Variants in XPO6 observed in about 807,000 individuals in gnomAD.
XPO6 encodes exportin-6.
XPO6 carries 3 observed loss-of-function variants against 130.0 expected under a neutral mutation model. The observed-to-expected ratio is 0.02, with a 90% CI of 0.01 to 0.06. XPO6 has a LOEUF of 0.06. Ranked by LOEUF, XPO6 falls within the 10% of genes least tolerant of loss-of-function variation. XPO6 has a pLI of 1.00. For synonymous variants in XPO6, 524 were observed against 548.9 expected, an observed-to-expected ratio of 0.95 and a Z score of 0.63; for missense variants, 970 against 1,393.0, an observed-to-expected ratio of 0.70 and a Z score of 4.83.
Position 28,172,578 on chromosome 16 carries a change from G to A in XPO6, c.406-2669C>T, listed in dbSNP as rs563741457. ...CAGGCAGGTGGGAAGGAAAGCGGTC[G>A]GTTTCAATTTCGATTACTTCTCCAG... On this transcript the variant is annotated intron_variant, in intron 4 of 23. Coordinates refer to ENST00000304658, the MANE Select transcript of XPO6 (RefSeq NM_015171.4). 2.2e-4 allele frequency among the ~76,000 whole-genome samples: 33 copies of A among 152,026 alleles called. No homozygotes were observed. In the South Asian group the frequency reaches 2.5e-3, roughly 11 times the overall value.
intron 14 of XPO6, 150 bp from the exon 15 acceptor site, chr16:28,117,612 T>C (rs1038298046): frequency 3.0e-6 from 3 of 994,476 alleles, no homozygotes; most frequent in Non-Finnish European, 4.3e-6. Context: ...CCGGTTCACG[T>C]AGAACCTAAA....
At chr16:28,154,927 C>T (rs1278391191) in intron 7 of XPO6, among the ~76,000 whole-genome samples, 1 of 151,912 alleles carries the variant, frequency 6.6e-6, no homozygotes, top group Non-Finnish European at 1.5e-5. Flanking sequence ...AATAATGATG[C>T]CTTTGAATTC....
intron 1 of XPO6, among the ~76,000 whole-genome samples, chr16:28,181,791 G>A (rs945025698): frequency 6.6e-6 from 1 of 152,156 alleles, no homozygotes; most frequent in Non-Finnish European, 1.5e-5. Flanking sequence ...AAGCTAACTA[G>A]GGATTCAAAA....
At chr16:28,149,319 G>A (rs1340794249) in intron 8 of XPO6, among the ~76,000 whole-genome samples, 5 of 152,210 alleles carry the variant, frequency 3.3e-5, no homozygotes, top group African/African-American at 7.2e-5. Flanking sequence ...ACCTGGAGGC[G>A]CTGGCGGCAG....
At chr16:28,160,178 C>T (rs1386908138) in intron 6 of XPO6, among the ~76,000 whole-genome samples, 5 of 105,028 alleles carry the variant, frequency 4.8e-5, no homozygotes, top group African/African-American at 1.9e-4. Flanking sequence ...GAGCAAGCCT[C>T]CGTCTTAAAA....
chr16:28,205,952 C>T (rs1194666504), intron 1 of XPO6, among the ~76,000 whole-genome samples: 1 of 149,094 alleles, frequency 6.7e-6, no homozygotes, highest in African/African-American at 2.5e-5. Flanking sequence ...GCAGGAGAAT[C>T]GCTTGAACCC....
chr16:28,098,712 C>G, intron 23 of XPO6, 73 bp from the exon 24 acceptor site: 1 of 1,156,772 alleles, frequency 8.6e-7, no homozygotes, highest in African/African-American at 1.5e-5. Flanking sequence ...ACAGCTACTT[C>G]CATCCCAGAG....
At chr16:28,137,933 T>C (rs1189642425) in intron 9 of XPO6, among the ~76,000 whole-genome samples, 1 of 152,076 alleles carries the variant, frequency 6.6e-6, no homozygotes, top group African/African-American at 2.4e-5. Flanking sequence ...ACCCACTATT[T>C]AGCTCCCGAC....
At chr16:28,185,523 T>C (rs1038334083) in intron 1 of XPO6, among the ~76,000 whole-genome samples, 2 of 152,210 alleles carry the variant, frequency 1.3e-5, no homozygotes, top group African/African-American at 4.8e-5. Flanking sequence ...TATCTGCTTC[T>C]GTGTAAATAT....
chr16:28,145,894 A>G (rs2042974082), intron 9 of XPO6, among the ~76,000 whole-genome samples, 200 bp downstream of exon 9: 1 of 152,242 alleles, frequency 6.6e-6, no homozygotes, highest in Non-Finnish European at 1.5e-5. Flanking sequence ...AATTAGTAAT[A>G]CATATTACTT....
intron 1 of XPO6, among the ~76,000 whole-genome samples, chr16:28,201,636 C>T (rs1193739862): frequency 1.3e-5 from 2 of 152,066 alleles, no homozygotes; most frequent in Non-Finnish European, 2.9e-5. Flanking sequence ...GCGGGTGGAT[C>T]ACGAGGTCAG....
chr16:28,136,819 A>G (rs945904008), intron 9 of XPO6, among the ~76,000 whole-genome samples: 3 of 152,208 alleles, frequency 2.0e-5, no homozygotes, highest in South Asian at 2.1e-4. Context: ...CGCTTCTAAG[A>G]TAAGTTAAGG....
intron 1 of XPO6, among the ~76,000 whole-genome samples, chr16:28,194,399 T>C (rs2043828081): frequency 6.6e-6 from 1 of 152,224 alleles, no homozygotes; most frequent in Non-Finnish European, 1.5e-5. Flanking sequence ...CCTCCATCTG[T>C]GTTCAGGACA....
chr16:28,190,458 A>G (rs1030173818), intron 1 of XPO6, among the ~76,000 whole-genome samples: 7 of 152,096 alleles, frequency 4.6e-5, no homozygotes, highest in African/African-American at 1.7e-4. Context: ...CTTGACCTCA[A>G]GCGATACCGC....
intron 1 of XPO6, among the ~76,000 whole-genome samples, chr16:28,210,062 G>A (rs566176000): frequency 2.6e-5 from 4 of 152,274 alleles, no homozygotes; most frequent in African/African-American, 9.6e-5. Context: ...CCAGGAGGTC[G>A]AGGCTGCAGT....
At chr16:28,158,411 G>A (rs1022721224) in intron 6 of XPO6, among the ~76,000 whole-genome samples, 1 of 152,148 alleles carries the variant, frequency 6.6e-6, no homozygotes, top group African/African-American at 2.4e-5. Context: ...CCACATGTTA[G>A]AGATTTGCAA....
rs1386531903 is a variant in XPO6, at chr16:28,107,418, T to C, written c.2497+104A>G. 6 of 1,362,972 alleles carry C rather than the reference T, an allele frequency of 4.4e-6. No individual in the cohort carries two copies. In the African/African-American group the frequency reaches 7.2e-5, roughly 16 times the overall value. The allele number at this position is 1,362,972 out of a possible 1,614,324, so 84.4% of individuals were successfully genotyped here. A position where few individuals can be genotyped will look rare whatever the true frequency, so the allele number is the denominator to read the frequency against. The stretch of plus-strand genomic sequence containing the variant: ...ACCGGGTTTCGTTGCACGGAACAAG[T>C]CAAGGCCTGTACTGCACCGACTCAG... On this transcript the variant is annotated intron_variant, in intron 18 of 23. Transcript: ENST00000304658.
At chr16:28,210,152 T>C (rs2044102529) in intron 1 of XPO6, among the ~76,000 whole-genome samples, 1 of 152,096 alleles carries the variant, frequency 6.6e-6, no homozygotes, top group Non-Finnish European at 1.5e-5. Context: ...ATAAAACACA[T>C]ACACTATACG....
At chr16:28,185,266 A>C (rs969503109) in intron 1 of XPO6, among the ~76,000 whole-genome samples, 1 of 152,198 alleles carries the variant, frequency 6.6e-6, no homozygotes, top group Non-Finnish European at 1.5e-5. Context: ...GGGCTGAGGC[A>C]AGAGGATCAC....
Sources: gnomAD v4.1 joint callset for allele counts (sites outside exome capture counted in the v4.1 genomes callset) on GRCh38, gnomAD v4.1.1 for gene constraint, MANE v1.5 for transcripts, NCBI Gene and HGNC (gene_info 2026-07-23, HGNC 2026-07-21) for gene names.